Variants in ERO1A observed in about 807,000 individuals in gnomAD.
The protein encoded by ERO1A is ERO1-like protein alpha.
ERO1A carries 49 observed loss-of-function variants against 76.9 expected under a neutral mutation model. The ratio of observed to expected loss-of-function variants is 0.64; its 90% CI spans 0.51 to 0.81. The LOEUF (loss-of-function observed/expected upper bound fraction) is 0.81. Among genes scored for constraint, ERO1A ranks in the 30% least tolerant of loss-of-function variants. ERO1A has a pLI of 0.00. For synonymous variants in ERO1A, 174 were observed against 181.2 expected (o/e 0.96, Z 0.32); for missense variants, 448 against 542.1 (o/e 0.83, Z 1.72).
intron 13 of ERO1A, among the ~76,000 whole-genome samples, chr14:52,648,443 G>GATGCACAGA (rs2039744171): frequency 6.6e-6 from 1 of 152,050 alleles, no homozygotes; most frequent in Admixed American, 6.5e-5. Flanking sequence ...TTATTATGAG[G>GATGCACAGA]ATCCACAGAA....
In ERO1A at chr14:52,663,815, A is replaced by G; in HGVS notation, c.662T>C (p.Leu221Ser). 1 of 1,571,708 alleles carries G rather than the reference A, an allele frequency of 6.4e-7. No individual in the cohort carries two copies. Among genetic ancestry groups the G allele is most frequent in the Non-Finnish European group, 8.7e-7 (1 of 1,143,592 alleles). ...AAGTAATTTACCTTGACCAGAAGCC[A>G]AAGGATTTAAAGGTCTTTTAATTGT... ...PQTIKRPLNP[L>S]ASGQGTSEEN... The change falls in exon 8 of 16, where the codon TTG becomes TCG. Residue 221 changes from leucine to serine, a missense_variant. Transcript: ENST00000395686.
Position 52,668,661 on chromosome 14 carries a change from T to C in ERO1A, c.509-2166A>G, listed in dbSNP as rs1019885812. The stretch of plus-strand genomic sequence containing the variant: ...TGATTAAATTTTTAAATATTCTACC[T>C]AGAGATAAACATTTGTTGCCTCATA... On this transcript the variant is annotated intron_variant, in intron 6 of 15. Transcript: ENST00000395686. Among the ~76,000 whole-genome samples, 6 of 151,472 alleles carry C rather than the reference T, an allele frequency of 4.0e-5. No individual in the cohort carries two copies. In the South Asian group the frequency reaches 1.2e-3, roughly 31 times the overall value.
chr14:52,645,812 T>C (rs998785180), intron 15 of ERO1A, among the ~76,000 whole-genome samples: 2 of 151,106 alleles, frequency 1.3e-5, no homozygotes, highest in Non-Finnish European at 2.9e-5. Context: ...AAGACCAGCC[T>C]GGCCAACATG....
chr14:52,688,211 AG>A (rs1057036242), intron 1 of ERO1A, among the ~76,000 whole-genome samples: 2 of 151,974 alleles, frequency 1.3e-5, no homozygotes, highest in African/African-American at 4.8e-5. Flanking sequence ...AAAAAAAAAA[AG>A]TCCTAGTCTT....
At chr14:52,652,118 C>G in intron 13 of ERO1A, 121 bp downstream of exon 13, 1 of 523,118 alleles carries the variant, frequency 1.9e-6, no homozygotes, top group Non-Finnish European at 3.4e-6. Flanking sequence ...AGGCCTGAGC[C>G]ACTGCCCCTG....
At position 52,641,044 on chromosome 14, in the gene ERO1A, C is replaced by T. The variant is rs1439930574; in HGVS notation, c.*2526G>A. On this transcript the variant is annotated 3_prime_UTR_variant, in exon 16 of 16. Coordinates refer to ENST00000395686, the MANE Select transcript of ERO1A (RefSeq NM_014584.3). Reference sequence around the variant, plus strand: ...ACATTTAAGGAATAAATGAAGAGGCCAAAAGGTGGGGGGTGGTTCAGGAGT... The same window carrying T: ...ACATTTAAGGAATAAATGAAGAGGCTAAAAGGTGGGGGGTGGTTCAGGAGT... 1.3e-5 allele frequency: 2 copies of T among 151,738 alleles called. No individual in the cohort carries two copies. Among genetic ancestry groups the T allele is most frequent in the Non-Finnish European group, 2.9e-5 (2 of 67,968 alleles). The allele number at this position is 151,738 out of a possible 1,614,324, so 9.4% of individuals were successfully genotyped here.
chr14:52,683,187 T>G (rs1365183734), intron 2 of ERO1A, among the ~76,000 whole-genome samples: 1 of 151,758 alleles, frequency 6.6e-6, no homozygotes, highest in Non-Finnish European at 1.5e-5. Flanking sequence ...CCAGCCTGGG[T>G]GACAAAGCAA....
intron 9 of ERO1A, among the ~76,000 whole-genome samples, 164 bp downstream of exon 9, chr14:52,661,129 C>T (rs1354006004): frequency 6.6e-6 from 1 of 152,166 alleles, no homozygotes; most frequent in East Asian, 1.9e-4. Flanking sequence ...CACAAAGTCA[C>T]TTTCCCTTAA....
At chr14:52,668,716 C>T (rs1406308238) in intron 6 of ERO1A, among the ~76,000 whole-genome samples, 1 of 149,150 alleles carries the variant, frequency 6.7e-6, no homozygotes, top group Non-Finnish European at 1.5e-5. Context: ...CTTCATTCTT[C>T]TTCAAGCTTA....
intron 2 of ERO1A, 33 bp downstream of exon 2, chr14:52,683,755 T>G (rs1322917628): frequency 1.1e-6 from 1 of 933,936 alleles, no homozygotes; most frequent in Non-Finnish European, 1.6e-6. Context: ...CCATTTAAAG[T>G]ATTCATATAT....
chr14:52,669,347 A>G (rs2040520677), intron 6 of ERO1A, among the ~76,000 whole-genome samples: 1 of 152,212 alleles, frequency 6.6e-6, no homozygotes, highest in South Asian at 2.1e-4. Flanking sequence ...ACAGTGGAGG[A>G]CTAAAAAAAA....
chr14:52,671,955 TTTTA>T (rs1350172881), intron 4 of ERO1A, 84 bp from the exon 5 acceptor site: 1 of 897,202 alleles, frequency 1.1e-6, no homozygotes, highest in Admixed American at 2.8e-5. Context: ...CTGAAGCTCT[TTTTA>T]TTTTTTTTAT....
In ERO1A at chr14:52,657,817, C is replaced by A. The variant is rs576021944; in HGVS notation, c.808+100G>T. 8 of 744,338 alleles carry A rather than the reference C, an allele frequency of 1.1e-5. No individual in the cohort carries two copies. In the East Asian group the frequency reaches 2.1e-4, roughly 19 times the overall value. 46.1% of individuals were successfully genotyped at this position (744,338 alleles called of 1,614,324 possible). On this transcript the variant is annotated intron_variant, in intron 11 of 15. Transcript: ENST00000395686. ...GAGTGAATTTTTACTGCCTAATATT[C>A]AATCAGGTCAATCTTTTCCCATTCA...
Position 52,653,165 on chromosome 14 carries a change from G to A in ERO1A, c.959C>T (p.Pro320Leu). The change falls in exon 12 of 16, where the codon CCA (proline) becomes CTA (leucine). Residue 320 changes from proline (P) to leucine (L), a missense_variant. Transcript: ENST00000395686. ...TTGAAAATCTGGGCGCTCGAAGAAT[G>A]GTAACACTTTGGATAAAGCCCTTAG... is the stretch of plus-strand genomic sequence containing the variant. ...IELRALSKVL[P>L]FFERPDFQLF... 1 of 1,613,480 alleles carries A rather than the reference G, an allele frequency of 6.2e-7. No individual in the cohort carries two copies. Among genetic ancestry groups the A allele is most frequent in the Non-Finnish European group, 8.5e-7 (1 of 1,179,634 alleles).
chr14:52,659,062 A>G (rs529000789), intron 9 of ERO1A, among the ~76,000 whole-genome samples: 2 of 152,346 alleles, frequency 1.3e-5, no homozygotes, highest in African/African-American at 4.8e-5. Context: ...TATTTGTCAG[A>G]ACACTTCATA....
At chr14:52,668,614 G>A (rs1298029132) in intron 6 of ERO1A, among the ~76,000 whole-genome samples, 1 of 151,210 alleles carries the variant, frequency 6.6e-6, no homozygotes, top group Non-Finnish European at 1.5e-5. Context: ...CCAGGACTTT[G>A]AGAAAACTAA....
rs1330001347 is a variant in ERO1A at position 52,640,841 on chromosome 14, T to C, written c.*2729A>G. The C allele has an allele frequency of 6.6e-6, 1 of 152,106 alleles. No homozygotes were observed. Among genetic ancestry groups the C allele is most frequent in the Non-Finnish European group, 1.5e-5 (1 of 68,018 alleles). The allele number at this position is 152,106 out of a possible 1,614,324, so 9.4% of individuals were successfully genotyped here. On this transcript the variant is annotated 3_prime_UTR_variant, in exon 16 of 16. Coordinates refer to ENST00000395686, the MANE Select transcript of ERO1A (RefSeq NM_014584.3). ...GCATTAGAGTAGGTTTTGCAGAGAATGAATGTTTTAAGACACACACAGGTG... is the reference window on the plus strand; with the variant it reads ...GCATTAGAGTAGGTTTTGCAGAGAACGAATGTTTTAAGACACACACAGGTG...
intron 4 of ERO1A, among the ~76,000 whole-genome samples, chr14:52,674,218 AT>A (rs938774228): frequency 1.3e-4 from 20 of 151,742 alleles, no homozygotes; most frequent in African/African-American, 2.9e-4. Flanking sequence ...AAATCGAACA[AT>A]TTTTTTTTCT....
In ERO1A at chr14:52,641,445, C is replaced by CAAAAAA. The variant is rs1218261101; in HGVS notation, c.*2119_*2124dup. 1 of 74,878 alleles carries CAAAAAA rather than the reference C, an allele frequency of 1.3e-5. No homozygotes were observed. The highest frequency in any genetic ancestry group is 5.1e-5 in the African/African-American group (1 of 19,714). 4.6% of individuals were successfully genotyped at this position (74,878 alleles called of 1,614,324 possible). On this transcript the variant is annotated 3_prime_UTR_variant, in exon 16 of 16. Transcript: ENST00000395686. ...TGAAACACTGCCTCTACTAAAAATA[C>CAAAAAA]AAAAAAAAAAAAAAAAAAATTAGCC...
Sources: gnomAD v4.1 joint callset for allele counts (sites outside exome capture counted in the v4.1 genomes callset) on GRCh38, gnomAD v4.1.1 for gene constraint, MANE v1.5 for transcripts, NCBI Gene and HGNC (gene_info 2026-07-23, HGNC 2026-07-21) for gene names.